The following CELSR3 variants were observed in gnomAD, a reference collection of about 807,000 sequenced individuals.
CELSR3 encodes the protein cadherin EGF LAG seven-pass G-type receptor 3, also known as EGF-like protein 1.
In CELSR3, 73 loss-of-function variants were observed where a neutral mutation model predicts 270.0. The observed-to-expected ratio is 0.27, with a 90% confidence interval of 0.22 to 0.33. CELSR3 has a LOEUF of 0.33. Ranked by LOEUF, CELSR3 falls within the 10% of genes least tolerant of loss-of-function variation. The probability of loss-of-function intolerance (pLI) is 1.00; values close to 1 mark genes in which losing one functional copy is unlikely to be tolerated. For synonymous variants in CELSR3, 1,780 were observed against 1,905.4 expected, an observed-to-expected ratio of 0.93 and a Z score of 1.71; for missense variants, 3,614 against 4,533.8, an observed-to-expected ratio of 0.80 and a Z score of 5.83.
chr3:48,640,371 G>C lies in CELSR3; in HGVS notation c.9214C>G (p.Leu3072Val). Residue 3072 changes from leucine to valine, a missense_variant, in exon 34 of 35, where the codon CTG becomes GTG. This residue lies in a region of CELSR3 where 1,240 missense variants were observed against 1,351.7 expected (regional missense o/e 0.92). Coordinates refer to ENST00000164024, the MANE Select transcript of CELSR3 (RefSeq NM_001407.3). The surrounding 1 kb of genome is among the most constrained non-coding windows in gnomAD (Gnocchi z 7.5). ...PASRYSSREQ[L>V]DLLLRRQLSR... ...AGTTGCCGCCGGAGGAGCAGGTCCA[G>C]CTGTTCTCTAGAAGAGTAGCGGCTG... 6.2e-7 allele frequency: 1 copy of C among 1,612,780 alleles called. No homozygotes were observed. Among genetic ancestry groups the C allele is most frequent in the African/African-American group, 1.3e-5 (1 of 75,042 alleles).
chr3:48,654,529 G>A lies in CELSR3; in HGVS notation c.4989-77C>T. ...GCTCCTGGGGGGCCACAGGAAGCAGGGGGGTAGGACCCAGAGGGTAGGGTG... is the reference window on the plus strand; with the variant it reads ...GCTCCTGGGGGGCCACAGGAAGCAGAGGGGTAGGACCCAGAGGGTAGGGTG... On this transcript the variant is annotated intron_variant, in intron 6 of 34. Transcript: ENST00000164024. The surrounding 1 kb of genome is among the most constrained non-coding windows in gnomAD (Gnocchi z 5.4). 7.7e-7 allele frequency: 1 copy of A among 1,295,682 alleles called. No individual in the cohort carries two copies. The highest frequency in any genetic ancestry group is 1.1e-6 in the Non-Finnish European group (1 of 939,674). The allele number at this position is 1,295,682 out of a possible 1,614,324, so 80.3% of individuals were successfully genotyped here. A position where few individuals can be genotyped will look rare whatever the true frequency, so the allele number is the denominator to read the frequency against.
Position 48,652,176 on chromosome 3 carries a change from C to T in CELSR3, c.5752-128G>A. Reference sequence around the variant, plus strand: ...TTCTGATACCCTCAAAAAACCCAGGCCTCAAAAATATCCCCAATTTGGTAC... The same window carrying T: ...TTCTGATACCCTCAAAAAACCCAGGTCTCAAAAATATCCCCAATTTGGTAC... On this transcript the variant is annotated intron_variant, in intron 11 of 34. Transcript: ENST00000164024. The surrounding 1 kb of genome is among the most constrained non-coding windows in gnomAD (Gnocchi z 4.3). 1 of 1,014,894 alleles carries T rather than the reference C, an allele frequency of 9.9e-7. No individual in the cohort carries two copies. Among genetic ancestry groups the T allele is most frequent in the Non-Finnish European group, 1.4e-6 (1 of 719,658 alleles). The allele number at this position is 1,014,894 out of a possible 1,614,324, so 62.9% of individuals were successfully genotyped here.
Position 48,659,055 on chromosome 3 carries a change from G to T in CELSR3, c.3580C>A (p.Arg1194Ser). Residue 1194 changes from arginine to serine, a missense_variant, in exon 1 of 35, where the codon CGC becomes AGC. Arg to Ser is a moderately radical substitution (Grantham distance 110). Around this residue, in one of 7 missense-constraint regions of CELSR3, gnomAD observed 1,331 missense variants for 1,933.7 expected, o/e 0.69. Coordinates refer to ENST00000164024, the MANE Select transcript of CELSR3 (RefSeq NM_001407.3). This position sits in a 1 kb window ranked among gnomAD's most constrained non-coding sequence, Gnocchi z 8.1. ...ACATCGGGGTCATAAGCTGGGATGC[G>T]CCCAATAATGCCCGACGGGAAGGTG... ...SDTFPSGIIG[R>S]IPAYDPDVSD... 2 of 1,614,144 alleles carry T rather than the reference G, an allele frequency of 1.2e-6. No homozygotes were observed. Among genetic ancestry groups the T allele is most frequent in the Non-Finnish European group, 1.7e-6 (2 of 1,180,030 alleles).
In CELSR3 at chr3:48,661,844, T is replaced by A; in HGVS notation, c.791A>T (p.Glu264Val). The change falls in exon 1 of 35, where the codon GAG becomes GTG. Residue 264 changes from glutamate to valine, a missense_variant. This residue lies in a region of CELSR3 where 470 missense variants were observed against 469.7 expected (regional missense o/e 1.00). Transcript: ENST00000164024. Reference protein sequence around the residue: ...TAPASGSAPRESRTAPEPAPK... With the variant: ...TAPASGSAPRVSRTAPEPAPK... ...CGCCGGCTCGGGAGCTGTCCGAGAC[T>A]CGCGGGGTGCTGAACCTGATGCAGG... 1.2e-6 allele frequency: 2 copies of A among 1,610,334 alleles called. No homozygotes were observed. The highest frequency in any genetic ancestry group is 1.7e-6 in the Non-Finnish European group (2 of 1,179,614).
chr3:48,642,959 C>G lies in CELSR3; in HGVS notation c.8406+8G>C. Reference sequence around the variant, plus strand: ...CTCTGGCTTCTCAGGGCCCCCATCCCGACTCACCAGCCCAGGTGCTGGCCT... The same window carrying G: ...CTCTGGCTTCTCAGGGCCCCCATCCGGACTCACCAGCCCAGGTGCTGGCCT... On this transcript the variant is annotated splice_region_variant and intron_variant, in intron 29 of 34. Transcript: ENST00000164024. The surrounding 1 kb of genome is among the most constrained non-coding windows in gnomAD (Gnocchi z 6.1). 2 of 1,611,140 alleles carry G rather than the reference C, an allele frequency of 1.2e-6. No individual in the cohort carries two copies. The highest frequency in any genetic ancestry group is 1.7e-6 in the Non-Finnish European group (2 of 1,178,600).
In CELSR3 at chr3:48,651,340, G is replaced by A. The variant is rs1365501383; in HGVS notation, c.6186+19C>T. ...GATTGCGTCCAAGGAAGGGTTAAAA[G>A]GTCAGGGGCCAGGCGCACCTTGCAG... On this transcript the variant is annotated intron_variant, in intron 14 of 34. Coordinates refer to ENST00000164024, the MANE Select transcript of CELSR3 (RefSeq NM_001407.3). The surrounding 1 kb of genome is among the most constrained non-coding windows in gnomAD (Gnocchi z 7.4). 2 of 1,613,812 alleles carry A rather than the reference G, an allele frequency of 1.2e-6. No individual in the cohort carries two copies. The highest frequency in any genetic ancestry group is 1.7e-6 in the Non-Finnish European group (2 of 1,179,786).
chr3:48,661,825 C>T lies in CELSR3; in HGVS notation c.810G>A (p.Glu270=). The change falls in exon 1 of 35, where the codon GAG becomes GAA. Residue 270 remains glutamate (E), a synonymous_variant. Transcript: ENST00000164024. ...GGGAGCGCATGCGCTTGGGCGCCGG[C>T]TCGGGAGCTGTCCGAGACTCGCGGG... ...SAPRESRTAP[E]PAPKRMRSRG... The T allele has an allele frequency of 1.2e-6, 2 of 1,609,704 alleles. No homozygotes were observed. The highest frequency in any genetic ancestry group is 1.1e-5 in the South Asian group (1 of 90,978).
At position 48,661,247 on chromosome 3, in the gene CELSR3, G is replaced by A; in HGVS notation, c.1388C>T (p.Pro463Leu). ...GCGGTAGCGCAGGTTGGCGTTGGGG[G>A]GCGCGTCGCCGTCAGTGGCACGCAG... is the stretch of plus-strand genomic sequence containing the variant. ...LQLRATDGDA[P>L]PNANLRYRFV... The change falls in exon 1 of 35, where the codon CCC (proline) becomes CTC (leucine). Residue 463 changes from proline (P) to leucine (L), a missense_variant. Around this residue, in one of 7 missense-constraint regions of CELSR3, gnomAD observed 354 missense variants for 500.9 expected, o/e 0.71. Coordinates refer to ENST00000164024, the MANE Select transcript of CELSR3 (RefSeq NM_001407.3). The A allele has an allele frequency of 6.2e-7, 1 of 1,608,644 alleles. No individual in the cohort carries two copies.
Position 48,643,603 on chromosome 3 carries a change from T to C in CELSR3, c.8240A>G (p.His2747Arg). Residue 2747 changes from histidine to arginine, a missense_variant, in exon 28 of 35, where the codon CAC becomes CGC. Coordinates refer to ENST00000164024, the MANE Select transcript of CELSR3 (RefSeq NM_001407.3). ...GAGGTAGTGGAAGGCTAGGATGCTG[T>C]GGTTGACTGCCAGGAGCCCAAAGAG... ...SWLFGLLAVN[H>R]SILAFHYLHA... 2 of 1,551,092 alleles carry C rather than the reference T, an allele frequency of 1.3e-6. No individual in the cohort carries two copies. The highest frequency in any genetic ancestry group is 1.7e-6 in the Non-Finnish European group (2 of 1,146,956).
In CELSR3 at chr3:48,639,529, G is replaced by A; in HGVS notation, c.9911+145C>T. ...CTTGCCAGATTCCTGTCCCCAGCCT[G>A]TGGCCCTCTGGCTGTGCTGAGCCTG... On this transcript the variant is annotated intron_variant, in intron 34 of 34. Coordinates refer to ENST00000164024, the MANE Select transcript of CELSR3 (RefSeq NM_001407.3). This position sits in a 1 kb window ranked among gnomAD's most constrained non-coding sequence, Gnocchi z 4.1. 1 of 1,088,580 alleles carries A rather than the reference G, an allele frequency of 9.2e-7. No individual in the cohort carries two copies. Among genetic ancestry groups the A allele is most frequent in the East Asian group, 2.5e-5 (1 of 40,598 alleles). 67.4% of individuals were successfully genotyped at this position (1,088,580 alleles called of 1,614,324 possible). A position where few individuals can be genotyped will look rare whatever the true frequency, so the allele number is the denominator to read the frequency against.
chr3:48,637,936 G>A lies in CELSR3; in HGVS notation c.*269C>T. On this transcript the variant is annotated 3_prime_UTR_variant, in exon 35 of 35. Coordinates refer to ENST00000164024, the MANE Select transcript of CELSR3 (RefSeq NM_001407.3). ...CCAGCCTCAAACCCCCCAGGAGACA[G>A]AAAAGCTGAAAAATAACATAAGCAT... The A allele has an allele frequency of 4.8e-6, 2 of 415,948 alleles. No homozygotes were observed. The highest frequency in any genetic ancestry group is 8.8e-6 in the Non-Finnish European group (2 of 227,558). The allele number at this position is 415,948 out of a possible 1,614,324, so 25.8% of individuals were successfully genotyped here.
rs1370340696 is a variant in CELSR3, at chr3:48,638,167, G to T, written c.*38C>A. 1 of 1,596,926 alleles carries T rather than the reference G, an allele frequency of 6.3e-7. No individual in the cohort carries two copies. Among genetic ancestry groups the T allele is most frequent in the South Asian group, 1.1e-5 (1 of 90,716 alleles). Reference sequence around the variant, plus strand: ...TCTCTCCTGTTAGCCTAGATCCTCTGTCGCCCTCAGCTGTTCCTCGTCCAC... The same window carrying T: ...TCTCTCCTGTTAGCCTAGATCCTCTTTCGCCCTCAGCTGTTCCTCGTCCAC... On this transcript the variant is annotated 3_prime_UTR_variant, in exon 35 of 35. Transcript: ENST00000164024.
chr3:48,655,038 C>T lies in CELSR3; in HGVS notation c.4988+6G>A, dbSNP rs939300157. On this transcript the variant is annotated splice_donor_region_variant and intron_variant, in intron 6 of 34. Transcript: ENST00000164024. The surrounding 1 kb of genome is among the most constrained non-coding windows in gnomAD (Gnocchi z 5.8). ...GGACAAGGGGACTAGGGGGCAGGGG[C>T]CTCACTTCTTGGAGCTTGTTTGCAC... 1.2e-5 allele frequency: 20 copies of T among 1,613,422 alleles called. No homozygotes were observed. In the Admixed American group the frequency reaches 1.5e-4, roughly 12 times the overall value.
In CELSR3 at chr3:48,662,579, A is replaced by T; in HGVS notation, c.56T>A (p.Leu19His). ...GAACAAAGAGAGGAGAAGGAGCAGG[A>T]GTATGGGGGTCGACCGTCCCCCGAG... is the stretch of plus-strand genomic sequence containing the variant. ...RGLGGRSTPILLLLLLSLFPL... is the reference protein window; with the variant it reads ...RGLGGRSTPIHLLLLLSLFPL... Residue 19 changes from leucine (L) to histidine (H), a missense_variant, in exon 1 of 35, where the codon CTC becomes CAC. Transcript: ENST00000164024. This position sits in a 1 kb window ranked among gnomAD's most constrained non-coding sequence, Gnocchi z 7.1. 1 of 1,536,564 alleles carries T rather than the reference A, an allele frequency of 6.5e-7. No homozygotes were observed. The highest frequency in any genetic ancestry group is 8.8e-7 in the Non-Finnish European group (1 of 1,140,134).
In CELSR3 at chr3:48,644,802, C is replaced by T. The variant is rs926413112; in HGVS notation, c.7999G>A (p.Gly2667Ser). The change falls in exon 26 of 35, where the codon GGC becomes AGC. Residue 2667 changes from glycine (G) to serine (S), a missense_variant. Gly to Ser is a moderately conservative substitution (Grantham distance 56, BLOSUM62 0). Coordinates refer to ENST00000164024, the MANE Select transcript of CELSR3 (RefSeq NM_001407.3). This position sits in a 1 kb window ranked among gnomAD's most constrained non-coding sequence, Gnocchi z 4.8. ...LGLAVGLDPE[G>S]YGNPDFCWIS... ...CAGCAGAAGTCAGGGTTCCCATAGC[C>T]CTCAGGGTCCAGGCCCACAGCAAGG... 2 of 1,613,416 alleles carry T rather than the reference C, an allele frequency of 1.2e-6. No individual in the cohort carries two copies. Among genetic ancestry groups the T allele is most frequent in the South Asian group, 2.2e-5 (2 of 91,074 alleles).
chr3:48,650,335 A>T lies in CELSR3; in HGVS notation c.6472+145T>A, dbSNP rs1428059209. ...ACAGATGGAGGCTCAATGAGGGTGT[A>T]GGGAGGGGCCCACATGGACTCCCAC... On this transcript the variant is annotated intron_variant, in intron 16 of 34. Transcript: ENST00000164024. This position sits in a 1 kb window ranked among gnomAD's most constrained non-coding sequence, Gnocchi z 5.1. 2.8e-6 allele frequency: 2 copies of T among 725,346 alleles called. No individual in the cohort carries two copies. Among genetic ancestry groups the T allele is most frequent in the Non-Finnish European group, 5.0e-6 (2 of 401,802 alleles). 44.9% of individuals were successfully genotyped at this position (725,346 alleles called of 1,614,324 possible).
chr3:48,662,652 G>A lies in CELSR3; in HGVS notation c.-18C>T, dbSNP rs755172009. 2 of 1,239,844 alleles carry A rather than the reference G, an allele frequency of 1.6e-6. No homozygotes were observed. The highest frequency in any genetic ancestry group is 1.7e-5 in the African/African-American group (1 of 59,986). The allele number at this position is 1,239,844 out of a possible 1,614,324, so 76.8% of individuals were successfully genotyped here. A position where few individuals can be genotyped will look rare whatever the true frequency, so the allele number is the denominator to read the frequency against. On this transcript the variant is annotated 5_prime_UTR_variant, in exon 1 of 35. Coordinates refer to ENST00000164024, the MANE Select transcript of CELSR3 (RefSeq NM_001407.3). This position sits in a 1 kb window ranked among gnomAD's most constrained non-coding sequence, Gnocchi z 7.1. ...GCCATCATCCCCCGCCTCCCTGCAC[G>A]GCCTCCACCGCCCCCCGCCCCGGTC... is the stretch of plus-strand genomic sequence containing the variant.
chr3:48,653,271 G>A lies in CELSR3; in HGVS notation c.5449-84C>T, dbSNP rs2047153471. The A allele has an allele frequency of 1.5e-6, 2 of 1,297,792 alleles. No individual in the cohort carries two copies. The highest frequency in any genetic ancestry group is 2.2e-6 in the Non-Finnish European group (2 of 918,900). The allele number at this position is 1,297,792 out of a possible 1,614,324, so 80.4% of individuals were successfully genotyped here. A position where few individuals can be genotyped will look rare whatever the true frequency, so the allele number is the denominator to read the frequency against. ...GTGAGATCAGAGGGCTCAGAGGTCA[G>A]GAATATCAGAGGTCAGAACAGTGGG... is the stretch of plus-strand genomic sequence containing the variant. On this transcript the variant is annotated intron_variant, in intron 9 of 34. Transcript: ENST00000164024. This position sits in a 1 kb window ranked among gnomAD's most constrained non-coding sequence, Gnocchi z 6.5.
In CELSR3 at chr3:48,652,107, C is replaced by T; in HGVS notation, c.5752-59G>A. 12 of 1,445,754 alleles carry T rather than the reference C, an allele frequency of 8.3e-6. No individual in the cohort carries two copies. Among genetic ancestry groups the T allele is most frequent in the Non-Finnish European group, 1.1e-5 (12 of 1,094,900 alleles). 89.6% of individuals were successfully genotyped at this position (1,445,754 alleles called of 1,614,324 possible). On this transcript the variant is annotated intron_variant, in intron 11 of 34. Transcript: ENST00000164024. The surrounding 1 kb of genome is among the most constrained non-coding windows in gnomAD (Gnocchi z 4.3). ...TGTTAAGGCACCTCAGCCTCAAGTA[C>T]TGCAGAGCCAGCCACCCGGTCTGAT...
Sources: gnomAD v4.1 joint callset for allele counts on GRCh38, gnomAD v4.1.1 for gene constraint, gnomAD v4.1.1 regional missense constraint, Gnocchi (gnomAD v3.1) non-coding constraint, MANE v1.5 for transcripts, NCBI Gene and HGNC (gene_info 2026-07-23, HGNC 2026-07-21) for gene names.